CNTN5: variants seen among roughly 807,000 people sequenced by gnomAD.
CNTN5 encodes contactin 5.
CNTN5 carries 77 observed loss-of-function variants against 129.1 expected under a neutral mutation model. That is an observed-to-expected ratio of 0.60 (90% CI 0.50 to 0.72). The LOEUF (loss-of-function observed/expected upper bound fraction) is 0.72, where lower values mean the gene tolerates loss of function less well. Among genes scored for constraint, CNTN5 ranks in the 30% least tolerant of loss-of-function variants. The probability of loss-of-function intolerance (pLI) is 0.00; values close to 1 mark genes in which losing one functional copy is unlikely to be tolerated. For synonymous variants in CNTN5, 509 were observed against 465.6 expected (o/e 1.09, Z -1.20); for missense variants, 1,478 against 1,328.8 (o/e 1.11, Z -1.75).
At chr11:100,166,850 T>G (rs1354883663) in intron 13 of CNTN5, among the ~76,000 whole-genome samples, 1 of 151,856 alleles carries the variant, frequency 6.6e-6, no homozygotes, top group East Asian at 1.9e-4. Flanking sequence ...TTGGATCAGT[T>G]ATCTTAGTTT....
chr11:100,150,478 CAG>C (rs941483268), intron 13 of CNTN5, among the ~76,000 whole-genome samples: 3 of 151,786 alleles, frequency 2.0e-5, no homozygotes, highest in African/African-American at 7.3e-5. Context: ...GGCCTTTAAA[CAG>C]AATGATTTTA....
chr11:99,214,714 C>CACAT (rs908985464), intron 1 of CNTN5, among the ~76,000 whole-genome samples: 28 of 152,124 alleles, frequency 1.8e-4, no homozygotes, highest in African/African-American at 6.7e-4. Flanking sequence ...GAATGTTTTA[C>CACAT]ACATTACTCT....
intron 9 of CNTN5, among the ~76,000 whole-genome samples, chr11:100,041,897 A>G (rs894465385): frequency 1.3e-5 from 2 of 152,224 alleles, no homozygotes; most frequent in Non-Finnish European, 2.9e-5. Flanking sequence ...AACTAATACC[A>G]GGGGAAGGCC....
At chr11:99,555,424 T>C (rs1361155329) in intron 2 of CNTN5, among the ~76,000 whole-genome samples, 2 of 152,034 alleles carry the variant, frequency 1.3e-5, no homozygotes, top group African/African-American at 4.8e-5. Flanking sequence ...AATTTTCTAT[T>C]CTTTTCATGT....
At chr11:99,982,701 G>A (rs7117258) in intron 8 of CNTN5, among the ~76,000 whole-genome samples, 1 of 152,146 alleles carries the variant, frequency 6.6e-6, no homozygotes, top group Non-Finnish European at 1.5e-5. Context: ...AGTGCAGTGG[G>A]GCGATCTTGG....
chr11:99,357,099 T>TAAAACACACACAC (rs1334253729), intron 2 of CNTN5, among the ~76,000 whole-genome samples: 2 of 152,196 alleles, frequency 1.3e-5, no homozygotes, highest in African/African-American at 4.8e-5. Context: ...ATACTTTTAT[T>TAAAACACACACAC]GATAGGTGGC....
intron 13 of CNTN5, among the ~76,000 whole-genome samples, chr11:100,179,937 C>G (rs368170711): frequency 1.3e-5 from 2 of 152,076 alleles, no homozygotes; most frequent in African/African-American, 4.8e-5. Context: ...ACAAAGAAAA[C>G]TTTAGGTGTA....
At chr11:99,164,274 G>A (rs573442271) in intron 1 of CNTN5, among the ~76,000 whole-genome samples, 28 of 139,340 alleles carry the variant, frequency 2.0e-4, no homozygotes, top group African/African-American at 6.0e-4. Flanking sequence ...AGTGAGCCGA[G>A]ATCGCGCCAC....
chr11:99,800,158 T>C (rs530767552), intron 3 of CNTN5, among the ~76,000 whole-genome samples: 1 of 152,130 alleles, frequency 6.6e-6, no homozygotes, highest in Non-Finnish European at 1.5e-5. Context: ...TTTGGTATGT[T>C]GTGTCAGTGT....
intron 3 of CNTN5, among the ~76,000 whole-genome samples, chr11:99,717,235 T>C (rs538958677): frequency 5.1e-4 from 78 of 152,210 alleles, no homozygotes; most frequent in African/African-American, 1.8e-3. Context: ...TGATTTGAAC[T>C]TTCAAGAGAA....
intron 1 of CNTN5, among the ~76,000 whole-genome samples, chr11:99,159,154 G>A (rs531230723): frequency 5.8e-4 from 89 of 152,232 alleles, no homozygotes; most frequent in African/African-American, 2.1e-3. Flanking sequence ...AAGATTCTCT[G>A]TTTCTTTAGT....
At chr11:99,122,740 T>C (rs1191318442) in intron 1 of CNTN5, among the ~76,000 whole-genome samples, 1 of 152,094 alleles carries the variant, frequency 6.6e-6, no homozygotes, top group Non-Finnish European at 1.5e-5. Flanking sequence ...ATGTCTTTTG[T>C]TCCCCTCTTT....
intron 3 of CNTN5, among the ~76,000 whole-genome samples, chr11:99,716,618 T>A (rs937136531): frequency 2.0e-5 from 3 of 152,054 alleles, no homozygotes; most frequent in African/African-American, 7.2e-5. Context: ...TATCTCAAAC[T>A]ACATGCAGCT....
chr11:99,161,434 C>CAAGGAGATAAAAGCAG (rs1860606471), intron 1 of CNTN5, among the ~76,000 whole-genome samples: 1 of 151,430 alleles, frequency 6.6e-6, no homozygotes, highest in Non-Finnish European at 1.5e-5. Flanking sequence ...CAGTTCTGGC[C>CAAGGAGATAAAAGCAG]AAGGAGATAA....
At position 99,131,254 on chromosome 11, in the gene CNTN5, A is replaced by AAAAAAAAAAG. The variant is rs1555053452; in HGVS notation, c.-210+109993_-210+109994insGAAAAAAAAA. On this transcript the variant is annotated intron_variant, in intron 1 of 24. Transcript: ENST00000524871. ...CAGAGTGAGACTCCATCTCAGAAAA[A>AAAAAAAAAAG]AAAAAAAAAAGAAAAATTTATAGCA... Among the ~76,000 whole-genome samples the AAAAAAAAAAG allele has an allele frequency of 6.1e-5, 9 of 148,216 alleles. 1 individual carries two copies. Among genetic ancestry groups the AAAAAAAAAAG allele is most frequent in the African/African-American group, 2.2e-4 (9 of 40,286 alleles).
At chr11:99,170,525 G>C (rs1032532967) in intron 1 of CNTN5, among the ~76,000 whole-genome samples, 1 of 152,072 alleles carries the variant, frequency 6.6e-6, no homozygotes, top group Non-Finnish European at 1.5e-5. Context: ...GTTCTGTTAC[G>C]CCTATGTCTT....
intron 2 of CNTN5, among the ~76,000 whole-genome samples, chr11:99,451,042 T>C (rs1944284552): frequency 6.6e-6 from 1 of 152,054 alleles, no homozygotes; most frequent in South Asian, 2.1e-4. Flanking sequence ...TTTCAGACAT[T>C]TGTCTCTGTT....
At chr11:99,590,319 A>G (rs985574039) in intron 3 of CNTN5, among the ~76,000 whole-genome samples, 1 of 152,218 alleles carries the variant, frequency 6.6e-6, no homozygotes, top group Non-Finnish European at 1.5e-5. Context: ...GATGTCAGAG[A>G]TTAATGCAAA....
intron 21 of CNTN5, among the ~76,000 whole-genome samples, chr11:100,322,064 G>A (rs921205121): frequency 6.6e-6 from 1 of 152,114 alleles, no homozygotes; most frequent in Non-Finnish European, 1.5e-5. Context: ...AAATGAGTCC[G>A]ACAGTATTCC....
Sources: gnomAD v4.1 joint callset for allele counts (sites outside exome capture counted in the v4.1 genomes callset) on GRCh38, gnomAD v4.1.1 for gene constraint, MANE v1.5 for transcripts, NCBI Gene and HGNC (gene_info 2026-07-23, HGNC 2026-07-21) for gene names.